Variants in MED13 observed in about 807,000 individuals in gnomAD.
MED13 encodes the protein mediator of RNA polymerase II transcription subunit 13.
In MED13, 23 loss-of-function variants were observed where a neutral mutation model predicts 225.2. The observed-to-expected ratio is 0.10, with a 90% confidence interval of 0.07 to 0.14. The LOEUF (loss-of-function observed/expected upper bound fraction) is 0.14. Among genes scored for constraint, MED13 ranks in the 10% least tolerant of loss-of-function variants. The pLI, the probability that MED13 is intolerant of heterozygous loss-of-function variation, is 1.00. For synonymous variants in MED13, 942 were observed against 889.2 expected (o/e 1.06, Z -1.06); for missense variants, 2,197 against 2,594.5 (o/e 0.85, Z 3.33).
intron 9 of MED13, among the ~76,000 whole-genome samples, chr17:62,009,988 G>C (rs76258083): frequency 6.6e-6 from 1 of 152,072 alleles, no homozygotes; most frequent in Non-Finnish European, 1.5e-5. Flanking sequence ...TCAGGAGGCC[G>C]AGGTGGGTGG....
Position 61,995,276 on chromosome 17 carries a change from G to A in MED13, c.2057C>T (p.Ala686Val). 1 of 1,613,554 alleles carries A rather than the reference G, an allele frequency of 6.2e-7. No individual in the cohort carries two copies. The highest frequency in any genetic ancestry group is 1.1e-5 in the South Asian group (1 of 91,052). ...QIKNQCLSAIASDAEQEPKID... is the reference protein window; with the variant it reads ...QIKNQCLSAIVSDAEQEPKID... Reference sequence around the variant, plus strand: ...TTTAGGTTCTTGTTCTGCATCAGATGCTATTGCTGAAAGACACTGGTTTTT... The same window carrying A: ...TTTAGGTTCTTGTTCTGCATCAGATACTATTGCTGAAAGACACTGGTTTTT... Residue 686 changes from alanine (A) to valine (V), a missense_variant, in exon 10 of 30, where the codon GCA becomes GTA. Transcript: ENST00000397786.
At chr17:61,958,978 G>T (rs2079973650) in intron 23 of MED13, among the ~76,000 whole-genome samples, 1 of 151,894 alleles carries the variant, frequency 6.6e-6, no homozygotes, top group Non-Finnish European at 1.5e-5. Flanking sequence ...TTGAGCCCAG[G>T]TCTCTCTGAC....
At chr17:61,960,733 G>C in intron 23 of MED13, 134 bp downstream of exon 23, 1 of 557,258 alleles carries the variant, frequency 1.8e-6, no homozygotes, top group Non-Finnish European at 3.0e-6. Context: ...AAAGAAAAAA[G>C]TAAAAAGCAC....
intron 8 of MED13, among the ~76,000 whole-genome samples, chr17:62,022,174 AATATAT>A (rs35902303): frequency 3.5e-5 from 5 of 141,320 alleles, no homozygotes; most frequent in South Asian, 2.2e-4. Flanking sequence ...TCAAAAAAAA[AATATAT>A]ATATATATAT....
intron 3 of MED13, chr17:62,036,924 C>A (rs1030008478): frequency 2.0e-5 from 3 of 152,236 alleles, no homozygotes; most frequent in African/African-American, 7.2e-5. Flanking sequence ...CTTTCCACTA[C>A]TGCATATGTG....
intron 27 of MED13, among the ~76,000 whole-genome samples, chr17:61,952,168 C>T (rs570865649): frequency 4.6e-5 from 7 of 152,154 alleles, no homozygotes; most frequent in African/African-American, 1.7e-4. Flanking sequence ...GCTGGGATTA[C>T]AGACGTGAGC....
rs766151210 is a variant in MED13, at chr17:62,035,522, A to G, written c.557T>C (p.Val186Ala). Residue 186 changes from valine to alanine, a missense_variant, in exon 4 of 30, where the codon GTA becomes GCA. Val to Ala is a moderately conservative substitution (Grantham distance 64). Coordinates refer to ENST00000397786, the MANE Select transcript of MED13 (RefSeq NM_005121.3). Reference protein sequence around the residue: ...TSVEINQHQPVYLLSEEHITL... With the variant: ...TSVEINQHQPAYLLSEEHITL... ...GATATGCTCTTCACTGAGAAGGTATACAGGTTGATGTTGGTTAATTTCCAC... is the reference window on the plus strand; with the variant it reads ...GATATGCTCTTCACTGAGAAGGTATGCAGGTTGATGTTGGTTAATTTCCAC... The G allele has an allele frequency of 1.9e-6, 3 of 1,613,596 alleles. No homozygotes were observed. The highest frequency in any genetic ancestry group is 2.5e-6 in the Non-Finnish European group (3 of 1,179,584).
chr17:62,029,396 T>G (rs2143669420), intron 8 of MED13, 145 bp downstream of exon 8: 1 of 622,966 alleles, frequency 1.6e-6, no homozygotes, highest in Middle Eastern at 2.6e-4. Context: ...AGCTTCAAAT[T>G]CCTGAAATAT....
rs574133154 is a variant in MED13, at chr17:61,952,931, G to A, written c.6117+34C>T. The A allele has an allele frequency of 6.9e-5, 110 of 1,600,146 alleles. 2 individuals carry two copies. The highest frequency in any genetic ancestry group is 3.0e-4 in the African/African-American group (22 of 74,156). On this transcript the variant is annotated intron_variant, in intron 27 of 29. Coordinates refer to ENST00000397786, the MANE Select transcript of MED13 (RefSeq NM_005121.3). The stretch of plus-strand genomic sequence containing the variant: ...ATTTTAGGCGTAAGCCACTGCGCCC[G>A]GCCGAGAAAAACTAAAACTTGTAAC...
At position 62,059,854 on chromosome 17, in the gene MED13, G is replaced by A. The variant is rs60520625; in HGVS notation, c.301+3213C>T. ...AGTAAATAACAGGTTTTATTTTTAA[G>A]AAAAGCTAAAATATTATATAAATAA... On this transcript the variant is annotated intron_variant, in intron 2 of 29. Transcript: ENST00000397786. Among the ~76,000 whole-genome samples the A allele has an allele frequency of 6.4e-3, 968 of 152,184 alleles. 8 individuals are homozygous for A. The highest frequency in any genetic ancestry group is 0.022 in the African/African-American group (914 of 41,526).
At chr17:62,063,447 C>T in intron 1 of MED13, 146 bp from the exon 2 acceptor site, 1 of 561,688 alleles carries the variant, frequency 1.8e-6, no homozygotes, top group Non-Finnish European at 3.1e-6. Context: ...CAAAAAAAGA[C>T]TTTATAATTC....
chr17:61,952,640 A>C (rs1040000465), intron 27 of MED13, among the ~76,000 whole-genome samples: 3 of 152,216 alleles, frequency 2.0e-5, no homozygotes, highest in Non-Finnish European at 4.4e-5. Flanking sequence ...ATTTCCAAGG[A>C]AAAATAGTAT....
chr17:62,008,468 G>A (rs899563084), intron 9 of MED13, among the ~76,000 whole-genome samples: 12 of 151,842 alleles, frequency 7.9e-5, no homozygotes, highest in Non-Finnish European at 1.3e-4. Flanking sequence ...AAGAGATCGC[G>A]TTTTTTTAAA....
At chr17:61,953,777 A>G (rs1567938876) in intron 26 of MED13, among the ~76,000 whole-genome samples, 1 of 152,210 alleles carries the variant, frequency 6.6e-6, no homozygotes. Flanking sequence ...ACTAATACAA[A>G]GCAAACATAG....
At chr17:62,014,306 GTT>G (rs1026759747) in intron 8 of MED13, among the ~76,000 whole-genome samples, 5 of 120,046 alleles carry the variant, frequency 4.2e-5, no homozygotes, top group African/African-American at 1.9e-4. Context: ...TTCTGTATAT[GTT>G]TTTATATATA....
intron 9 of MED13, among the ~76,000 whole-genome samples, chr17:62,009,578 T>C (rs2080486619): frequency 6.6e-6 from 1 of 152,172 alleles, no homozygotes. Context: ...AGACCAACTA[T>C]AGAGGAAAAT....
chr17:62,009,332 C>T (rs921157145), intron 9 of MED13, among the ~76,000 whole-genome samples: 1 of 151,966 alleles, frequency 6.6e-6, no homozygotes, highest in African/African-American at 2.4e-5. Context: ...GAGGAAGAAA[C>T]CTATAGCACA....
chr17:61,965,397 G>C lies in MED13; in HGVS notation c.4453C>G (p.Gln1485Glu). ...ATCTGAGGTGGAGTAATCAAAGACT[G>C]ACTTGTAGGGGCAACTAAATTTGGC... ...SQPNLVAPTSQSLITPPQMTN... is the reference protein window; with the variant it reads ...SQPNLVAPTSESLITPPQMTN... The change falls in exon 20 of 30, where the codon CAG becomes GAG. Residue 1485 changes from glutamine (Q) to glutamate (E), a missense_variant. Physicochemically the swap from Gln to Glu is conservative, Grantham distance 29. This residue lies in a region of MED13 where 457 missense variants were observed against 442.2 expected (regional missense o/e 1.03). Coordinates refer to ENST00000397786, the MANE Select transcript of MED13 (RefSeq NM_005121.3). The C allele has an allele frequency of 6.2e-7, 1 of 1,614,110 alleles. No homozygotes were observed. The highest frequency in any genetic ancestry group is 8.5e-7 in the Non-Finnish European group (1 of 1,179,980).
At chr17:61,953,412 T>A (rs1043721591) in intron 26 of MED13, among the ~76,000 whole-genome samples, 3 of 152,122 alleles carry the variant, frequency 2.0e-5, no homozygotes, top group Admixed American at 6.5e-5. Context: ...GATCTTGAGA[T>A]GGGGAGATTA....
Sources: gnomAD v4.1 joint callset for allele counts (sites outside exome capture counted in the v4.1 genomes callset) on GRCh38, gnomAD v4.1.1 for gene constraint, gnomAD v4.1.1 regional missense constraint, MANE v1.5 for transcripts, NCBI Gene and HGNC (gene_info 2026-07-23, HGNC 2026-07-21) for gene names.